Variants in CACNA1I observed in about 807,000 individuals in gnomAD.
CACNA1I encodes the protein voltage-dependent T-type calcium channel subunit alpha-1I.
Under a neutral mutation model 201.6 loss-of-function variants are expected in CACNA1I, and 74 were observed. That is an observed-to-expected ratio of 0.37 (90% CI 0.30 to 0.45). CACNA1I has a LOEUF of 0.45. Among genes scored for constraint, CACNA1I ranks in the 20% least tolerant of loss-of-function variants. The pLI, the probability that CACNA1I is intolerant of heterozygous loss-of-function variation, is 1.00. For synonymous variants in CACNA1I, 1,431 were observed against 1,345.2 expected, an observed-to-expected ratio of 1.06 and a Z score of -1.40; for missense variants, 2,346 against 3,138.1, an observed-to-expected ratio of 0.75 and a Z score of 6.03.
chr22:39,632,597 TG>T lies in CACNA1I; in HGVS notation c.581-1961del, dbSNP rs368194625. Among the ~76,000 whole-genome samples the T allele has an allele frequency of 2.7e-3, 379 of 138,692 alleles. 1 individual carries two copies. Among genetic ancestry groups the T allele is most frequent in the African/African-American group, 9.2e-3 (355 of 38,468 alleles). The allele number at this position is 138,692 out of a possible 152,430, so 91.0% of individuals were successfully genotyped here. A position where few individuals can be genotyped will look rare whatever the true frequency, so the allele number is the denominator to read the frequency against. On this transcript the variant is annotated intron_variant, in intron 4 of 36. Transcript: ENST00000402142. Reference sequence around the variant, plus strand: ...CTCTGTGTGTGTGTGGGGGGAGGGTTGGGGGGGTAAAAAATGGGTCTTGTTT... The same window carrying T: ...CTCTGTGTGTGTGTGGGGGGAGGGTTGGGGGGTAAAAAATGGGTCTTGTTT...
chr22:39,577,571 G>C (rs1932400419), intron 1 of CACNA1I, among the ~76,000 whole-genome samples: 1 of 152,252 alleles, frequency 6.6e-6, no homozygotes, highest in Non-Finnish European at 1.5e-5. Context: ...CATCCACCGA[G>C]CATTTCCTGA....
At chr22:39,604,872 C>G (rs1218126318) in intron 3 of CACNA1I, among the ~76,000 whole-genome samples, 1 of 152,092 alleles carries the variant, frequency 6.6e-6, no homozygotes, top group African/African-American at 2.4e-5. Context: ...CCACCACGCT[C>G]AGCTGACTTT....
At chr22:39,652,441 C>T (rs1002614960) in intron 10 of CACNA1I, among the ~76,000 whole-genome samples, 18 of 152,214 alleles carry the variant, frequency 1.2e-4, no homozygotes, top group Non-Finnish European at 4.4e-5. Flanking sequence ...GTCTTTCCCT[C>T]ACAGGGACAG....
rs1224966990 is a variant in CACNA1I at position 39,666,924 on chromosome 22, TTTTGTG to T, written c.4104+919_4104+924del. ...GTTGAGGGGGAACCAGCCAGCGGCC[TTTTGTG>T]CCCGTGCTCCTGACCCCCTTCACCT... On this transcript the variant is annotated intron_variant, in intron 23 of 36. Coordinates refer to ENST00000402142, the MANE Select transcript of CACNA1I (RefSeq NM_021096.4). The surrounding 1 kb of genome is among the most constrained non-coding windows in gnomAD (Gnocchi z 4.1). Among the ~76,000 whole-genome samples the T allele has an allele frequency of 2.0e-5, 3 of 152,164 alleles. No homozygotes were observed. The highest frequency in any genetic ancestry group is 1.3e-4 in the Admixed American group (2 of 15,290).
Position 39,651,949 on chromosome 22 carries a change from G to A in CACNA1I, c.1992+2024G>A, listed in dbSNP as rs375950915. Among the ~76,000 whole-genome samples the A allele has an allele frequency of 4.3e-4, 65 of 152,106 alleles. 1 individual carries two copies. In the East Asian group the frequency reaches 0.011, roughly 25 times the overall value. ...CAGGTCCAGCCTCAGGCCAGGCCACGGTCCCTGCCCAAGCCTCCTCAGGAT... is the reference window on the plus strand; with the variant it reads ...CAGGTCCAGCCTCAGGCCAGGCCACAGTCCCTGCCCAAGCCTCCTCAGGAT... On this transcript the variant is annotated intron_variant, in intron 10 of 36. Transcript: ENST00000402142.
intron 1 of CACNA1I, among the ~76,000 whole-genome samples, chr22:39,585,727 G>GT (rs34320968): frequency 0.29 from 24,603 of 83,804 alleles, 5,915 homozygotes; most frequent in East Asian, 0.76. Flanking sequence ...AACTTTTAAA[G>GT]TTTTTTTTTT....
At position 39,649,803 on chromosome 22, in the gene CACNA1I, G is replaced by A. The variant is rs1230454183; in HGVS notation, c.1870G>A (p.Asp624Asn). 2 of 1,612,864 alleles carry A rather than the reference G, an allele frequency of 1.2e-6. No individual in the cohort carries two copies. The highest frequency in any genetic ancestry group is 1.7e-6 in the Non-Finnish European group (2 of 1,179,508). Residue 624 changes from aspartate to asparagine, a missense_variant, in exon 10 of 37, where the codon GAT becomes AAT. By Grantham distance (23) the Asp-to-Asn change is conservative. Transcript: ENST00000402142. The surrounding 1 kb of genome is among the most constrained non-coding windows in gnomAD (Gnocchi z 7.3). ...GGATGGGGCGGTCTGGCTGTGCGGG[G>A]ATGTGTGGCGGGAGACGCGAGCCAA... is the stretch of plus-strand genomic sequence containing the variant. ...QADGAVWLCG[D>N]VWRETRAKLR... is the part of the protein sequence containing the mutation.
Position 39,621,193 on chromosome 22 carries a change from G to A in CACNA1I, c.580+1786G>A, listed in dbSNP as rs1476052616. Among the ~76,000 whole-genome samples the A allele has an allele frequency of 3.3e-5, 5 of 152,224 alleles. No individual in the cohort carries two copies. In the East Asian group the frequency reaches 9.6e-4, roughly 29 times the overall value. ...CACACAGCAATTCAGCGGCAGAGCT[G>A]GAATCTGAACAGAGTTCTGTCTGTC... is the stretch of plus-strand genomic sequence containing the variant. On this transcript the variant is annotated intron_variant, in intron 4 of 36. Coordinates refer to ENST00000402142, the MANE Select transcript of CACNA1I (RefSeq NM_021096.4).
chr22:39,627,431 G>A (rs1451978621), intron 4 of CACNA1I, among the ~76,000 whole-genome samples: 3 of 152,218 alleles, frequency 2.0e-5, no homozygotes. Flanking sequence ...CGCCCCGAAC[G>A]GCACACACAT....
rs776503435 is a variant in CACNA1I at position 39,684,489 on chromosome 22, C to T, written c.6018C>T (p.Leu2006=). 6.2e-7 allele frequency: 1 copy of T among 1,612,826 alleles called. No individual in the cohort carries two copies. The highest frequency in any genetic ancestry group is 1.7e-5 in the Admixed American group (1 of 59,986). Residue 2006 remains leucine, a synonymous_variant, in exon 36 of 37, where the codon CTC becomes CTT. Coordinates refer to ENST00000402142, the MANE Select transcript of CACNA1I (RefSeq NM_021096.4). The surrounding 1 kb of genome is among the most constrained non-coding windows in gnomAD (Gnocchi z 4.6). ...GGTCACCAAGGGTCAACTGTACCCT[C>T]CTCCGGCAGGTACCGACACCTCCCA... is the stretch of plus-strand genomic sequence containing the variant. ...SLRSPRVNCT[L]LRQATGSDTS... is the part of the protein sequence containing the mutation.
intron 1 of CACNA1I, among the ~76,000 whole-genome samples, chr22:39,597,730 G>C (rs934332559): frequency 5.3e-5 from 8 of 152,268 alleles, no homozygotes; most frequent in Non-Finnish European, 1.2e-4. Flanking sequence ...CCCAGACCTT[G>C]GCAGAGACGG....
chr22:39,664,943 G>T lies in CACNA1I; in HGVS notation c.3851+20G>T, dbSNP rs374144412. On this transcript the variant is annotated intron_variant, in intron 21 of 36. Coordinates refer to ENST00000402142, the MANE Select transcript of CACNA1I (RefSeq NM_021096.4). ...CCTGCGGTGAGGACCCCTCCTGGGC[G>T]GATGGGGGAAAGTGTCATGCACTGT... 6.2e-7 allele frequency: 1 copy of T among 1,607,354 alleles called. No homozygotes were observed. The highest frequency in any genetic ancestry group is 8.5e-7 in the Non-Finnish European group (1 of 1,178,874).
chr22:39,634,834 AAGAG>A, intron 5 of CACNA1I, 110 bp downstream of exon 5: 1 of 1,042,408 alleles, frequency 9.6e-7, no homozygotes. Context: ...GCAGCAAAAA[AAGAG>A]AGGTCAGGTA....
At chr22:39,590,289 G>T (rs1338122458) in intron 1 of CACNA1I, among the ~76,000 whole-genome samples, 1 of 152,244 alleles carries the variant, frequency 6.6e-6, no homozygotes, top group African/African-American at 2.4e-5. Flanking sequence ...GCTGGGTTTT[G>T]ATCCTCCTGG....
At chr22:39,674,555 G>A (rs2146469990) in intron 29 of CACNA1I, among the ~76,000 whole-genome samples, 1 of 152,326 alleles carries the variant, frequency 6.6e-6, no homozygotes, top group South Asian at 2.1e-4. Flanking sequence ...TGAGAAGTTA[G>A]GGAAGTTGCT....
At chr22:39,599,395 G>A (rs1368512961) in intron 2 of CACNA1I, among the ~76,000 whole-genome samples, 1 of 142,490 alleles carries the variant, frequency 7.0e-6, no homozygotes, top group African/African-American at 2.6e-5. Context: ...CGAGGCGGGC[G>A]GATCACGAGG....
At chr22:39,576,954 C>T (rs964407489) in intron 1 of CACNA1I, among the ~76,000 whole-genome samples, 1 of 152,140 alleles carries the variant, frequency 6.6e-6, no homozygotes. Context: ...GCTTCTTCTT[C>T]TTCTTCTTTT....
intron 33 of CACNA1I, 137 bp downstream of exon 33, chr22:39,680,005 G>A: frequency 1.1e-6 from 1 of 875,880 alleles, no homozygotes; most frequent in Non-Finnish European, 1.7e-6. Flanking sequence ...TAGCTTCCAT[G>A]GCTGGGGCAG....
rs761344394 is a variant in CACNA1I, at chr22:39,570,969, A to G, written c.217A>G (p.Ile73Val). 1.2e-6 allele frequency: 2 copies of G among 1,613,654 alleles called. No homozygotes were observed. The highest frequency in any genetic ancestry group is 1.1e-5 in the South Asian group (1 of 91,070). The change falls in exon 1 of 37, where the codon ATC becomes GTC. Residue 73 changes from isoleucine (I) to valine (V), a missense_variant. Transcript: ENST00000402142. ...GACCACCAGCCCCCGGAACTGGTGC[A>G]TCAAGATGGTGTGCAACCCATATCC... ...RQTTSPRNWC[I>V]KMVCNPWFEC...
Sources: allele counts gnomAD v4.1 joint callset (sites outside exome capture counted in the v4.1 genomes callset), GRCh38; gene constraint gnomAD v4.1.1; non-coding constraint Gnocchi (gnomAD v3.1); transcripts MANE v1.5; gene names NCBI Gene and HGNC (gene_info 2026-07-23, HGNC 2026-07-21).